Variants in ZNF280D observed in about 807,000 individuals in gnomAD.
The protein encoded by ZNF280D is suppressor of hairy wing homolog 4.
ZNF280D carries 39 observed loss-of-function variants against 94.7 expected under a neutral mutation model. The ratio of observed to expected loss-of-function variants is 0.41; its 90% CI spans 0.32 to 0.54. The LOEUF (loss-of-function observed/expected upper bound fraction) is 0.54. ZNF280D is among the 20% of genes least tolerant of loss of function. The pLI is 0.22. For synonymous variants in ZNF280D, 398 were observed against 377.6 expected, an observed-to-expected ratio of 1.05 and a Z score of -0.63; for missense variants, 1,090 against 1,149.3, an observed-to-expected ratio of 0.95 and a Z score of 0.75.
intron 20 of ZNF280D, among the ~76,000 whole-genome samples, chr15:56,640,025 C>T (rs1047799240): frequency 6.6e-6 from 1 of 151,462 alleles, no homozygotes; most frequent in Non-Finnish European, 1.5e-5. Context: ...AGAGAAATTG[C>T]AACGTTAGAA....
chr15:56,679,302 G>A (rs2055461027), intron 10 of ZNF280D, among the ~76,000 whole-genome samples: 1 of 152,154 alleles, frequency 6.6e-6, no homozygotes. Flanking sequence ...TTAAGGCCTT[G>A]AAAATATACA....
intron 19 of ZNF280D, among the ~76,000 whole-genome samples, chr15:56,651,771 T>C (rs2053220167): frequency 6.6e-6 from 1 of 152,210 alleles, no homozygotes; most frequent in Admixed American, 6.5e-5. Context: ...TATTGTTATA[T>C]TGTTATTTGT....
intron 1 of ZNF280D, among the ~76,000 whole-genome samples, chr15:56,714,038 C>T (rs1318793686): frequency 1.3e-5 from 2 of 152,072 alleles, no homozygotes; most frequent in Admixed American, 6.6e-5. Flanking sequence ...AGGAAATTAG[C>T]TTACTATATT....
intron 1 of ZNF280D, among the ~76,000 whole-genome samples, chr15:56,725,351 G>T (rs2058579418): frequency 6.6e-6 from 1 of 151,882 alleles, no homozygotes; most frequent in Non-Finnish European, 1.5e-5. Context: ...CCAAACCTGA[G>T]AAATTTTTTT....
At chr15:56,633,482 A>T (rs746480669) in intron 21 of ZNF280D, among the ~76,000 whole-genome samples, 1 of 151,938 alleles carries the variant, frequency 6.6e-6, no homozygotes, top group Admixed American at 6.6e-5. Flanking sequence ...AAAAAATCTA[A>T]TATCTTTTTA....
rs2052049661 is a variant in ZNF280D at position 56,631,015 on chromosome 15, T to C, written c.*483A>G. 2 of 157,938 alleles carry C rather than the reference T, an allele frequency of 1.3e-5. No individual in the cohort carries two copies. The highest frequency in any genetic ancestry group is 3.4e-3 in the Middle Eastern group (1 of 296). 9.8% of individuals were successfully genotyped at this position (157,938 alleles called of 1,614,324 possible). A position where few individuals can be genotyped will look rare whatever the true frequency, so the allele number is the denominator to read the frequency against. On this transcript the variant is annotated 3_prime_UTR_variant, in exon 22 of 22. Transcript: ENST00000267807. ...CATTTACCAGCATCATCCTCACAAA[T>C]AAAGCCTTCATTAACAATGCCAATC...
At chr15:56,683,129 A>T (rs1419273074) in intron 9 of ZNF280D, among the ~76,000 whole-genome samples, 2 of 152,132 alleles carry the variant, frequency 1.3e-5, no homozygotes, top group Admixed American at 6.5e-5. Context: ...GAAAAGTAGG[A>T]TAGGATCAGA....
At chr15:56,688,489 CAAAAAAAAA>C (rs55861049) in intron 9 of ZNF280D, among the ~76,000 whole-genome samples, 1 of 76,682 alleles carries the variant, frequency 1.3e-5, no homozygotes, top group Non-Finnish European at 2.6e-5. Flanking sequence ...GACTCCGTCT[CAAAAAAAAA>C]AAAAAAAAAA....
At chr15:56,669,938 A>ATATATATATTATATATATAT (rs2054662996) in intron 13 of ZNF280D, among the ~76,000 whole-genome samples, 1 of 3,304 alleles carries the variant, frequency 3.0e-4, no homozygotes, top group African/African-American at 1.5e-3. Context: ...TATATATATT[A>ATATATATATTATATATATAT]TATATATATA....
intron 19 of ZNF280D, chr15:56,653,801 T>C (rs1351863035): frequency 9.1e-5 from 115 of 1,258,880 alleles, no homozygotes; most frequent in Non-Finnish European, 1.1e-4. Flanking sequence ...GAAAAGACCA[T>C]AGCAACAAAT....
chr15:56,728,389 AAT>A (rs1371562572), intron 1 of ZNF280D, among the ~76,000 whole-genome samples: 1 of 152,198 alleles, frequency 6.6e-6, no homozygotes, highest in Non-Finnish European at 1.5e-5. Flanking sequence ...GGAAATAGAA[AAT>A]ATAGACATTT....
intron 1 of ZNF280D, among the ~76,000 whole-genome samples, chr15:56,727,483 T>A (rs1310196572): frequency 6.6e-6 from 1 of 151,962 alleles, no homozygotes; most frequent in Admixed American, 6.6e-5. Context: ...AGAAAAAAGA[T>A]AGAAATTAAT....
At chr15:56,695,433 T>A (rs574583068) in intron 6 of ZNF280D, among the ~76,000 whole-genome samples, 27 of 152,284 alleles carry the variant, frequency 1.8e-4, no homozygotes, top group Admixed American at 3.3e-4. Context: ...GAAATAAAAA[T>A]GTTTAAGGGA....
rs1463187894 is a variant in ZNF280D at position 56,642,996 on chromosome 15, A to T, written c.2215T>A (p.Leu739Ile). The stretch of plus-strand genomic sequence containing the variant: ...TCCTTTGCGGGAGCTTCTTTTTTTA[A>T]TCTTGAAAACAAGATAAGTATTGAA... ...CIPTSEHLSE[L>I]KKEAPAKEQE... The change falls in exon 20 of 22, where the codon TTA becomes ATA. Residue 739 changes from leucine to isoleucine, a missense_variant and splice_region_variant. Leu to Ile is a conservative substitution (Grantham distance 5, BLOSUM62 2). This residue lies in a region of ZNF280D where 577 missense variants were observed against 568.8 expected (regional missense o/e 1.01). Coordinates refer to ENST00000267807, the MANE Select transcript of ZNF280D (RefSeq NM_017661.4). The T allele has an allele frequency of 6.7e-7, 1 of 1,501,268 alleles. No individual in the cohort carries two copies. The allele number at this position is 1,501,268 out of a possible 1,614,324, so 93.0% of individuals were successfully genotyped here.
At chr15:56,654,857 T>C (rs1319623566) in intron 17 of ZNF280D, 6 of 461,016 alleles carry the variant, frequency 1.3e-5, no homozygotes, top group Admixed American at 7.0e-5. Flanking sequence ...AAAGTGAACA[T>C]AGCGTATTCA....
chr15:56,643,081 A>G, intron 19 of ZNF280D, 84 bp from the exon 20 acceptor site: 6 of 853,690 alleles, frequency 7.0e-6, no homozygotes, highest in South Asian at 2.7e-5. Flanking sequence ...GCCAGCCTAA[A>G]ATAATTAAAA....
In ZNF280D at chr15:56,724,515, T is replaced by C. The variant is rs180808163; in HGVS notation, c.-86+8943A>G. 3.3e-5 allele frequency among the ~76,000 whole-genome samples: 5 copies of C among 152,300 alleles called. No homozygotes were observed. In the East Asian group the frequency reaches 9.6e-4, roughly 29 times the overall value. On this transcript the variant is annotated intron_variant, in intron 1 of 21. Coordinates refer to ENST00000267807, the MANE Select transcript of ZNF280D (RefSeq NM_017661.4). ...TAGAAGAGAACATGTAATTCTGAGATAAAAAGGCTGACGGTGAAGTGAGGG... is the reference window on the plus strand; with the variant it reads ...TAGAAGAGAACATGTAATTCTGAGACAAAAAGGCTGACGGTGAAGTGAGGG...
At chr15:56,676,556 G>T (rs1218105403) in intron 13 of ZNF280D, 114 bp downstream of exon 13, 2 of 877,780 alleles carry the variant, frequency 2.3e-6, no homozygotes, top group Non-Finnish European at 1.6e-6. Flanking sequence ...AATTAATAGT[G>T]TCATTTGGAA....
chr15:56,712,202 CA>C (rs1196993751), intron 1 of ZNF280D, among the ~76,000 whole-genome samples: 17 of 151,646 alleles, frequency 1.1e-4, no homozygotes, highest in Admixed American at 2.0e-4. Flanking sequence ...AAATATACAC[CA>C]AAAAAAATTT....
Sources: allele counts gnomAD v4.1 joint callset (sites outside exome capture counted in the v4.1 genomes callset), GRCh38; gene constraint gnomAD v4.1.1; regional missense constraint gnomAD v4.1.1; transcripts MANE v1.5; gene names NCBI Gene and HGNC (gene_info 2026-07-23, HGNC 2026-07-21).